WDR27: variants seen among roughly 807,000 people sequenced by gnomAD.
WDR27 encodes the protein WD repeat domain 27, also known as WD repeat-containing protein 27.
Under a neutral mutation model 114.4 loss-of-function variants are expected in WDR27, and 100 were observed. The ratio of observed to expected loss-of-function variants is 0.87; its 90% confidence interval spans 0.74 to 1.03. The LOEUF is 1.03. Ranked by LOEUF, WDR27 falls within the 50% of genes least tolerant of loss-of-function variation. WDR27 has a pLI of 0.00. For missense variants in WDR27, 1,129 were observed against 1,092.9 expected (o/e 1.03, Z -0.47); for synonymous variants, 449 against 423.1 (o/e 1.06, Z -0.75).
intron 15 of WDR27, among the ~76,000 whole-genome samples, chr6:169,648,610 T>G (rs1262302234): frequency 3.3e-5 from 5 of 152,242 alleles, no homozygotes; most frequent in African/African-American, 1.2e-4. Context: ...TGTAATGCAG[T>G]GATTGCAAAG....
chr6:169,666,943 A>C, intron 6 of WDR27, 193 bp downstream of exon 6: 2 of 985,414 alleles, frequency 2.0e-6, no homozygotes, highest in Non-Finnish European at 2.4e-6. Flanking sequence ...ATTTTAAGTG[A>C]AAAACATCAA....
Position 169,638,348 on chromosome 6 carries a change from A to G in WDR27, c.1869+191T>C, listed in dbSNP as rs998969101. Reference sequence around the variant, plus strand: ...AAAAAAAAAAAAAAAAAAAAAAAAAAAAAGAAACTAATCAATAACTGTTAT... The same window carrying G: ...AAAAAAAAAAAAAAAAAAAAAAAAAGAAAGAAACTAATCAATAACTGTTAT... On this transcript the variant is annotated intron_variant, in intron 18 of 25. Transcript: ENST00000448612. 9.9e-4 allele frequency among the ~76,000 whole-genome samples: 78 copies of G among 78,720 alleles called. 23 individuals carry two copies. Among genetic ancestry groups the G allele is most frequent in the African/African-American group, 7.9e-3 (77 of 9,724 alleles). 51.6% of individuals were successfully genotyped at this position (78,720 alleles called of 152,430 possible). A position where few individuals can be genotyped will look rare whatever the true frequency, so the allele number is the denominator to read the frequency against.
chr6:169,538,248 A>T (rs184448368), intron 25 of WDR27, among the ~76,000 whole-genome samples: 3 of 152,260 alleles, frequency 2.0e-5, no homozygotes, highest in African/African-American at 7.2e-5. Flanking sequence ...TCAATCACTA[A>T]CCTTACACAC....
intron 8 of WDR27, among the ~76,000 whole-genome samples, chr6:169,663,020 A>G (rs1048638669): frequency 4.6e-5 from 7 of 151,538 alleles, no homozygotes; most frequent in Admixed American, 2.6e-4. Flanking sequence ...CGCGTCGAGG[A>G]AAGCACAAAG....
chr6:169,463,129 TA>T (rs1469892540), intron 25 of WDR27, among the ~76,000 whole-genome samples: 1 of 152,202 alleles, frequency 6.6e-6, no homozygotes, highest in Non-Finnish European at 1.5e-5. Context: ...TGGTACCCAC[TA>T]AGAGCCTGGT....
chr6:169,662,380 GCT>G lies in WDR27; in HGVS notation c.947_948del (p.Glu316AlafsTer3). ...LPSTSALGKG[E>X]QVEVTFPVLR... ...AGTACAGGAAATGTTACTTCAACCT[GCT>G]CTCCTTTTCCCAGAGCACTTGTAGA... On this transcript the variant is annotated frameshift_variant, in exon 9 of 26. Coordinates refer to ENST00000448612, the MANE Select transcript of WDR27 (RefSeq NM_182552.5). LOFTEE classifies it high-confidence loss of function. The G allele has an allele frequency of 4.3e-6, 7 of 1,613,990 alleles. No individual in the cohort carries two copies. Among genetic ancestry groups the G allele is most frequent in the Non-Finnish European group, 5.1e-6 (6 of 1,179,868 alleles).
chr6:169,436,035 C>T, the WDR27 span, among the ~76,000 whole-genome samples: 7 of 151,974 alleles, frequency 4.6e-5, no homozygotes, highest in African/African-American at 1.4e-4. Context: ...GTTTTTTGGT[C>T]ATCTGTATTT....
rs192378411 is a variant in WDR27, at chr6:169,579,661, T to C, written c.2523+3175A>G. Among the ~76,000 whole-genome samples, 859 of 152,290 alleles carry C rather than the reference T, an allele frequency of 5.6e-3. 3 individuals are homozygous for C. The highest frequency in any genetic ancestry group is 0.01 in the Middle Eastern group (3 of 294). On this transcript the variant is annotated intron_variant, in intron 24 of 25. Transcript: ENST00000448612. The stretch of plus-strand genomic sequence containing the variant: ...CATGGAAACAACCCAGAAGTGACCT[T>C]ATGTGGTTCCGGAACTCCCACCCCT...
intron 1 of WDR27, among the ~76,000 whole-genome samples, chr6:169,695,657 G>T (rs1273276487): frequency 6.6e-6 from 1 of 152,150 alleles, no homozygotes; most frequent in Non-Finnish European, 1.5e-5. Context: ...CCGGGGCACG[G>T]TGGTGACAGA....
At chr6:169,622,890 T>C (rs1475864301) in intron 21 of WDR27, among the ~76,000 whole-genome samples, 1 of 152,238 alleles carries the variant, frequency 6.6e-6, no homozygotes, top group Non-Finnish European at 1.5e-5. Flanking sequence ...GAGGAACTTA[T>C]AGTTTAGCTT....
chr6:169,442,488 A>G, the WDR27 span, among the ~76,000 whole-genome samples: 3 of 152,176 alleles, frequency 2.0e-5, no homozygotes, highest in African/African-American at 7.2e-5. Context: ...AAAAGGTAAA[A>G]CTTTATATTT....
At chr6:169,512,057 C>G (rs989178098) in intron 25 of WDR27, among the ~76,000 whole-genome samples, 3 of 151,992 alleles carry the variant, frequency 2.0e-5, no homozygotes, top group African/African-American at 7.2e-5. Flanking sequence ...AATAATAGAA[C>G]AAATAGCTAT....
chr6:169,654,687 C>T (rs1228991611), intron 13 of WDR27, among the ~76,000 whole-genome samples: 2 of 150,388 alleles, frequency 1.3e-5, no homozygotes, highest in Non-Finnish European at 3.0e-5. Context: ...AGTGAGAAGC[C>T]AGGCGAGCTG....
At chr6:169,632,925 T>C (rs755077330) in intron 21 of WDR27, 22 bp downstream of exon 21, 2 of 1,572,486 alleles carry the variant, frequency 1.3e-6, no homozygotes, top group Non-Finnish European at 1.7e-6. Flanking sequence ...AGATGATACA[T>C]GTTATCCAAA....
chr6:169,698,960 C>T (rs1453487302), intron 1 of WDR27, among the ~76,000 whole-genome samples: 3 of 152,162 alleles, frequency 2.0e-5, no homozygotes, highest in Non-Finnish European at 4.4e-5. Context: ...GCTTCAGTGA[C>T]ACTGTAGGAT....
intron 25 of WDR27, among the ~76,000 whole-genome samples, chr6:169,524,546 A>C (rs1794742254): frequency 6.6e-6 from 1 of 152,218 alleles, no homozygotes; most frequent in Non-Finnish European, 1.5e-5. Flanking sequence ...CCAAATTTAT[A>C]GTAACCAAAT....
At chr6:169,432,803 T>C in the WDR27 span, among the ~76,000 whole-genome samples, 1,546 of 152,260 alleles carry the variant, frequency 0.01, 25 homozygotes, top group African/African-American at 0.036. Context: ...TGGAAGTGAC[T>C]TTGGAACTGG....
At chr6:169,694,893 G>A (rs1785452191) in intron 1 of WDR27, among the ~76,000 whole-genome samples, 1 of 152,190 alleles carries the variant, frequency 6.6e-6, no homozygotes, top group African/African-American at 2.4e-5. Flanking sequence ...ATGAGTCTGG[G>A]CCAGTCTGAG....
chr6:169,509,879 C>A (rs896904508), intron 25 of WDR27, among the ~76,000 whole-genome samples: 1 of 152,210 alleles, frequency 6.6e-6, no homozygotes, highest in Non-Finnish European at 1.5e-5. Context: ...GCAACCTACT[C>A]ATCTGACAAA....
Sources: gnomAD v4.1 joint callset for allele counts (sites outside exome capture counted in the v4.1 genomes callset) on GRCh38, gnomAD v4.1.1 for gene constraint, MANE v1.5 for transcripts, NCBI Gene and HGNC (gene_info 2026-07-23, HGNC 2026-07-21) for gene names.